CPB2: variants seen among roughly 807,000 people sequenced by gnomAD.
CPB2 encodes carboxypeptidase B2.
CPB2 carries 54 observed loss-of-function variants against 57.0 expected under a neutral mutation model. That is an observed-to-expected ratio of 0.95 (90% CI 0.76 to 1.19). CPB2 has a LOEUF of 1.19. Ranked by LOEUF, CPB2 falls within the 50% of genes most tolerant of loss-of-function variation. The probability of loss-of-function intolerance (pLI) is 0.00; values close to 1 mark genes in which losing one functional copy is unlikely to be tolerated. For missense variants in CPB2, 426 were observed against 512.0 expected, an observed-to-expected ratio of 0.83 and a Z score of 1.62; for synonymous variants, 189 against 178.1, an observed-to-expected ratio of 1.06 and a Z score of -0.49.
intron 2 of CPB2, among the ~76,000 whole-genome samples, chr13:46,085,823 GT>G (rs2045194775): frequency 6.6e-6 from 1 of 152,208 alleles, no homozygotes. Flanking sequence ...AACCTCTGTG[GT>G]CAGTGGCGCC....
At chr13:46,063,711 G>A (rs1566399598) in intron 8 of CPB2, among the ~76,000 whole-genome samples, 2 of 152,082 alleles carry the variant, frequency 1.3e-5, no homozygotes, top group African/African-American at 4.8e-5. Context: ...GAGTCAAATA[G>A]TAATTCTACT....
chr13:46,063,458 A>G (rs750626771), intron 8 of CPB2, among the ~76,000 whole-genome samples: 2 of 152,218 alleles, frequency 1.3e-5, no homozygotes, highest in African/African-American at 4.8e-5. Context: ...ACTTAGGACA[A>G]TGCCTTCCAG....
intron 8 of CPB2, among the ~76,000 whole-genome samples, chr13:46,059,386 T>C (rs2044740264): frequency 6.6e-6 from 1 of 152,220 alleles, no homozygotes; most frequent in African/African-American, 2.4e-5. Context: ...TTCTAAATCT[T>C]GACTACCATT....
intron 2 of CPB2, among the ~76,000 whole-genome samples, chr13:46,084,933 C>T (rs1390961415): frequency 4.0e-5 from 6 of 151,870 alleles, no homozygotes; most frequent in Admixed American, 3.3e-4. Context: ...TCACTGCAAG[C>T]TCTGCCTCCC....
At chr13:46,088,664 C>G (rs532727852) in intron 1 of CPB2, among the ~76,000 whole-genome samples, 1 of 152,160 alleles carries the variant, frequency 6.6e-6, no homozygotes, top group African/African-American at 2.4e-5. Context: ...CTTGCCAATA[C>G]CTGATGCTCT....
At chr13:46,094,320 C>A (rs749902757) in intron 1 of CPB2, among the ~76,000 whole-genome samples, 1 of 152,208 alleles carries the variant, frequency 6.6e-6, no homozygotes, top group Non-Finnish European at 1.5e-5. Flanking sequence ...ACCCTAACAG[C>A]ATGTTTGTAC....
intron 9 of CPB2, among the ~76,000 whole-genome samples, chr13:46,057,504 C>T (rs2044713104): frequency 6.6e-6 from 1 of 152,184 alleles, no homozygotes; most frequent in Non-Finnish European, 1.5e-5. Flanking sequence ...GTCTGGAGAG[C>T]ATCTGGGATG....
chr13:46,053,957 A>G (rs183052425), intron 10 of CPB2, among the ~76,000 whole-genome samples, 159 bp from the exon 11 acceptor site: 20 of 152,282 alleles, frequency 1.3e-4, no homozygotes, highest in Non-Finnish European at 1.5e-4. Flanking sequence ...CCTTGTTTAT[A>G]CATAATTGCT....
chr13:46,058,804 A>G (rs1593881282), intron 8 of CPB2, among the ~76,000 whole-genome samples: 1 of 152,242 alleles, frequency 6.6e-6, no homozygotes, highest in Admixed American at 6.5e-5. Flanking sequence ...AGCTCAGAAT[A>G]TGTAAATCTG....
intron 2 of CPB2, 60 bp downstream of exon 2, chr13:46,087,683 ACT>A: frequency 9.0e-7 from 1 of 1,109,438 alleles, no homozygotes; most frequent in Non-Finnish European, 1.4e-6. Flanking sequence ...ACAGGAGGAA[ACT>A]CAACACCCAG....
intron 4 of CPB2, among the ~76,000 whole-genome samples, chr13:46,080,605 T>G (rs576108521): frequency 6.6e-6 from 1 of 152,284 alleles, no homozygotes; most frequent in Non-Finnish European, 1.5e-5. Flanking sequence ...GAATCCAATC[T>G]GACTGGTGTC....
chr13:46,077,477 G>A (rs1190696982), intron 5 of CPB2, among the ~76,000 whole-genome samples: 1 of 152,150 alleles, frequency 6.6e-6, no homozygotes, highest in East Asian at 1.9e-4. Flanking sequence ...CTGTTGGTAG[G>A]AATGTAAATT....
chr13:46,063,051 C>G (rs917061471), intron 8 of CPB2, among the ~76,000 whole-genome samples: 5 of 152,150 alleles, frequency 3.3e-5, no homozygotes, highest in Non-Finnish European at 7.3e-5. Flanking sequence ...ATAGATGATG[C>G]ATACTCCTTG....
chr13:46,068,829 A>G (rs981065042), intron 6 of CPB2, among the ~76,000 whole-genome samples: 6 of 151,920 alleles, frequency 3.9e-5, no homozygotes, highest in African/African-American at 1.5e-4. Context: ...GCTGAGAATG[A>G]TGGTTTCCAG....
intron 1 of CPB2, among the ~76,000 whole-genome samples, chr13:46,095,307 C>A (rs1383329904): frequency 2.4e-5 from 3 of 127,146 alleles, no homozygotes; most frequent in African/African-American, 6.0e-5. Context: ...ACCTCCCAGC[C>A]AAGATATCAA....
chr13:46,072,135 G>A (rs904704317), intron 6 of CPB2, among the ~76,000 whole-genome samples: 14 of 152,124 alleles, frequency 9.2e-5, no homozygotes, highest in African/African-American at 3.4e-4. Context: ...TGAATGAGAA[G>A]CTTAGAAAGA....
intron 5 of CPB2, among the ~76,000 whole-genome samples, chr13:46,076,620 GA>G (rs1158573906): frequency 1.3e-5 from 2 of 151,840 alleles, no homozygotes; most frequent in South Asian, 2.1e-4. Context: ...CATAGAAAGA[GA>G]AAAAAAATTC....
In CPB2 at chr13:46,055,832, T is replaced by C; in HGVS notation, c.1017A>G (p.Glu339=). 1 of 1,598,662 alleles carries C rather than the reference T, an allele frequency of 6.3e-7. No homozygotes were observed. Among genetic ancestry groups the C allele is most frequent in the Non-Finnish European group, 8.6e-7 (1 of 1,169,308 alleles). Reference sequence around the variant, plus strand: ...TAATTTTCTCAATAGCACGAACTGCTTCACTGGCTACTAGAGACTGGAAGC... The same window carrying C: ...TAATTTTCTCAATAGCACGAACTGCCTCACTGGCTACTAGAGACTGGAAGC... ...DHEELSLVAS[E]AVRAIEKISK... The change falls in exon 10 of 11, where the codon GAA becomes GAG. Residue 339 remains glutamate, a synonymous_variant. Coordinates refer to ENST00000181383, the MANE Select transcript of CPB2 (RefSeq NM_001872.5).
intron 2 of CPB2, among the ~76,000 whole-genome samples, chr13:46,086,264 G>A (rs1022848273): frequency 6.6e-6 from 1 of 152,210 alleles, no homozygotes; most frequent in Non-Finnish European, 1.5e-5. Flanking sequence ...AGCTCTGTTT[G>A]TGTTAGAGCT....
Sources: allele counts gnomAD v4.1 joint callset (sites outside exome capture counted in the v4.1 genomes callset), GRCh38; gene constraint gnomAD v4.1.1; transcripts MANE v1.5; gene names NCBI Gene and HGNC (gene_info 2026-07-23, HGNC 2026-07-21).